FRMD3: variants seen among roughly 807,000 people sequenced by gnomAD.
FRMD3 encodes the protein FERM domain-containing protein 3.
A neutral mutation model predicts 70.2 loss-of-function variants in FRMD3; 33 were observed. The ratio of observed to expected loss-of-function variants is 0.47; its 90% CI spans 0.36 to 0.63. The LOEUF is 0.63. Among genes scored for constraint, FRMD3 ranks in the 20% least tolerant of loss-of-function variants. FRMD3 has a pLI of 0.00. For missense variants in FRMD3, 632 were observed against 711.4 expected, an observed-to-expected ratio of 0.89 and a Z score of 1.27; for synonymous variants, 279 against 255.9, an observed-to-expected ratio of 1.09 and a Z score of -0.86.
At chr9:83,278,554 T>C (rs1480629703) in intron 13 of FRMD3, among the ~76,000 whole-genome samples, 1 of 152,186 alleles carries the variant, frequency 6.6e-6, no homozygotes, top group Non-Finnish European at 1.5e-5. Flanking sequence ...TTATGACCAC[T>C]GGGCAATGGG....
intron 13 of FRMD3, among the ~76,000 whole-genome samples, chr9:83,266,527 C>T (rs916867565): frequency 2.0e-5 from 3 of 152,180 alleles, no homozygotes; most frequent in African/African-American, 7.2e-5. Flanking sequence ...GGCAGAAGGT[C>T]AGTTCCAATT....
intron 1 of FRMD3, among the ~76,000 whole-genome samples, chr9:83,433,610 A>G (rs973916906): frequency 1.3e-5 from 2 of 152,176 alleles, no homozygotes; most frequent in African/African-American, 4.8e-5. Context: ...TAATTATACA[A>G]CTTACCACAA....
chr9:83,540,257 G>A (rs35944460), upstream of FRMD3, among the ~76,000 whole-genome samples: 2 of 152,160 alleles, frequency 1.3e-5, no homozygotes, highest in Non-Finnish European at 2.9e-5. Flanking sequence ...AAAGTCACCA[G>A]CCAAACAGTC....
chr9:83,288,052 A>G (rs1013633811), intron 13 of FRMD3, among the ~76,000 whole-genome samples: 5 of 152,372 alleles, frequency 3.3e-5, no homozygotes, highest in Admixed American at 3.3e-4. Flanking sequence ...ACAGAAATAA[A>G]AAGAAATGAA....
chr9:83,523,245 T>G (rs912420631), intron 1 of FRMD3, among the ~76,000 whole-genome samples: 1 of 151,968 alleles, frequency 6.6e-6, no homozygotes, highest in African/African-American at 2.4e-5. Flanking sequence ...GAAGAGTGGA[T>G]GAGTGGATGG....
the FRMD3 span, among the ~76,000 whole-genome samples, chr9:83,562,583 T>G: frequency 1.3e-5 from 2 of 152,168 alleles, no homozygotes; most frequent in Non-Finnish European, 2.9e-5. Context: ...ACCTGGGACT[T>G]AGTTCTGTTC....
At chr9:83,464,324 G>A (rs906773789) in intron 1 of FRMD3, among the ~76,000 whole-genome samples, 7 of 152,076 alleles carry the variant, frequency 4.6e-5, no homozygotes, top group Non-Finnish European at 7.4e-5. Flanking sequence ...ACCAGCAGTC[G>A]CCTCCAGATA....
intron 6 of FRMD3, among the ~76,000 whole-genome samples, chr9:83,318,209 A>G (rs905133399): frequency 6.6e-6 from 1 of 152,152 alleles, no homozygotes; most frequent in Non-Finnish European, 1.5e-5. Context: ...TAGTGCAACT[A>G]TCACCCAAAT....
intron 13 of FRMD3, chr9:83,281,712 G>A (rs961380166): frequency 6.6e-6 from 1 of 152,258 alleles, no homozygotes; most frequent in African/African-American, 2.4e-5. Context: ...ATGATTCCCA[G>A]AAGGGAGCGA....
rs112014975 is a variant in FRMD3, at chr9:83,428,901, A to C, written c.148-39193T>G. 4.4e-3 allele frequency among the ~76,000 whole-genome samples: 674 copies of C among 152,142 alleles called. 3 individuals carry two copies. Among genetic ancestry groups the C allele is most frequent in the African/African-American group, 0.015 (637 of 41,510 alleles). ...AATGATGTAAGCATGAAAGCAAGTT[A>C]ATTCCTCCTAACCTTGCCCTTGATA... On this transcript the variant is annotated intron_variant, in intron 1 of 13. Coordinates refer to ENST00000304195, the MANE Select transcript of FRMD3 (RefSeq NM_174938.6).
At chr9:83,319,104 AC>A (rs1231906769) in intron 6 of FRMD3, among the ~76,000 whole-genome samples, 1 of 151,016 alleles carries the variant, frequency 6.6e-6, no homozygotes, top group African/African-American at 2.4e-5. Flanking sequence ...TTGTCTGTTT[AC>A]TCTGTTAATT....
intron 1 of FRMD3, among the ~76,000 whole-genome samples, chr9:83,429,680 T>G (rs888641886): frequency 6.6e-6 from 1 of 152,200 alleles, no homozygotes; most frequent in African/African-American, 2.4e-5. Context: ...AATGTGTGCA[T>G]GATGCCAGGT....
At chr9:83,522,430 C>CG (rs1158721760) in intron 1 of FRMD3, among the ~76,000 whole-genome samples, 1 of 151,756 alleles carries the variant, frequency 6.6e-6, no homozygotes, top group Non-Finnish European at 1.5e-5. Context: ...CAGAGCTGTG[C>CG]GAGGCACAGG....
At chr9:83,409,383 T>C (rs941077848) in intron 1 of FRMD3, among the ~76,000 whole-genome samples, 1 of 152,200 alleles carries the variant, frequency 6.6e-6, no homozygotes, top group Non-Finnish European at 1.5e-5. Context: ...AAGCTCCTAA[T>C]TGCTCTCCAG....
chr9:83,296,414 A>G (rs1564000811), intron 12 of FRMD3, among the ~76,000 whole-genome samples: 1 of 152,212 alleles, frequency 6.6e-6, no homozygotes, highest in Admixed American at 6.5e-5. Context: ...ACAGCTATAT[A>G]TTGACCTCTA....
intron 13 of FRMD3, among the ~76,000 whole-genome samples, chr9:83,250,924 G>A (rs1249166989): frequency 6.6e-6 from 1 of 152,220 alleles, no homozygotes; most frequent in African/African-American, 2.4e-5. Context: ...CCACTCAGCT[G>A]TTCCAGTCTG....
chr9:83,496,778 T>TACAAAACTAAAAACAA (rs1409080144), intron 1 of FRMD3, among the ~76,000 whole-genome samples: 1 of 152,200 alleles, frequency 6.6e-6, no homozygotes, highest in East Asian at 1.9e-4. Flanking sequence ...ACAAGGGTTT[T>TACAAAACTAAAAACAA]ACAAAACTAA....
intron 1 of FRMD3, among the ~76,000 whole-genome samples, chr9:83,493,631 T>C (rs1450211464): frequency 2.6e-5 from 4 of 152,256 alleles, no homozygotes; most frequent in Non-Finnish European, 4.4e-5. Context: ...ACTTCAGGAC[T>C]TCTCAGAGCC....
chr9:83,257,800 T>C (rs893766743), intron 13 of FRMD3, among the ~76,000 whole-genome samples: 2 of 152,172 alleles, frequency 1.3e-5, no homozygotes, highest in Non-Finnish European at 2.9e-5. Context: ...GTTTAATAAT[T>C]TTTTGTTTTA....
Sources: allele counts gnomAD v4.1 joint callset (sites outside exome capture counted in the v4.1 genomes callset), GRCh38; gene constraint gnomAD v4.1.1; transcripts MANE v1.5; gene names NCBI Gene and HGNC (gene_info 2026-07-23, HGNC 2026-07-21).